Variants in GRM7 observed in about 807,000 individuals in gnomAD.
GRM7 encodes metabotropic glutamate receptor 7.
A neutral mutation model predicts 84.5 loss-of-function variants in GRM7; 35 were observed. The ratio of observed to expected loss-of-function variants is 0.41; its 90% CI spans 0.32 to 0.55. The LOEUF (loss-of-function observed/expected upper bound fraction) is 0.55, where lower values mean the gene tolerates loss of function less well. Ranked by LOEUF, GRM7 falls within the 20% of genes least tolerant of loss-of-function variation. GRM7 has a pLI of 0.19. For synonymous variants in GRM7, 487 were observed against 455.1 expected (o/e 1.07, Z -0.89); for missense variants, 1,003 against 1,194.6 (o/e 0.84, Z 2.36).
intron 7 of GRM7, among the ~76,000 whole-genome samples, chr3:7,576,748 T>C (rs1416144950): frequency 6.6e-6 from 1 of 152,264 alleles, no homozygotes; most frequent in East Asian, 1.9e-4. Context: ...TTAATTGGAA[T>C]TATTCTGTAT....
chr3:7,644,990 A>C (rs967815872), intron 8 of GRM7, among the ~76,000 whole-genome samples: 1 of 151,986 alleles, frequency 6.6e-6, no homozygotes, highest in Non-Finnish European at 1.5e-5. Context: ...GACCAGGAAC[A>C]TCTTTCTGCA....
At chr3:7,719,848 A>G in intron 9 of GRM7, among the ~76,000 whole-genome samples, 1 of 151,452 alleles carries the variant, frequency 6.6e-6, no homozygotes, top group Admixed American at 6.6e-5. Context: ...CTACAAAAGG[A>G]GTTCAGCCTA....
intron 8 of GRM7, among the ~76,000 whole-genome samples, chr3:7,601,993 A>G (rs1315668248): frequency 6.6e-6 from 1 of 150,638 alleles, no homozygotes; most frequent in African/African-American, 2.4e-5. Flanking sequence ...AAAAGAAGGA[A>G]GGGCGAAATG....
At chr3:7,301,774 T>G (rs1382800551) in intron 3 of GRM7, among the ~76,000 whole-genome samples, 1 of 130,838 alleles carries the variant, frequency 7.6e-6, no homozygotes, top group East Asian at 2.2e-4. Context: ...AAATTTATTC[T>G]AAAACATGAT....
At chr3:7,005,650 C>A (rs772830019) in intron 1 of GRM7, among the ~76,000 whole-genome samples, 86 of 152,200 alleles carry the variant, frequency 5.7e-4, no homozygotes, top group Non-Finnish European at 1.1e-3. Context: ...TGATAGTTAG[C>A]CATTGTTAGT....
intron 4 of GRM7, among the ~76,000 whole-genome samples, chr3:7,396,150 A>G (rs1695204157): frequency 6.6e-6 from 1 of 152,126 alleles, no homozygotes; most frequent in African/African-American, 2.4e-5. Flanking sequence ...CAAAATCATC[A>G]ATGAGACCCA....
chr3:7,670,089 A>G (rs1453235645), intron 8 of GRM7, among the ~76,000 whole-genome samples: 1 of 152,184 alleles, frequency 6.6e-6, no homozygotes, highest in Non-Finnish European at 1.5e-5. Flanking sequence ...CACACGGCAC[A>G]TTACCTAGAT....
chr3:7,227,956 A>G (rs1486837423), intron 2 of GRM7, among the ~76,000 whole-genome samples: 1 of 152,196 alleles, frequency 6.6e-6, no homozygotes, highest in Non-Finnish European at 1.5e-5. Context: ...CCATTGTCAT[A>G]TGTCTACTTT....
intron 1 of GRM7, among the ~76,000 whole-genome samples, chr3:6,873,678 C>G (rs1574952450): frequency 1.3e-5 from 2 of 152,216 alleles, no homozygotes; most frequent in Non-Finnish European, 2.9e-5. Flanking sequence ...ATGCCAGGTA[C>G]TGTCTTTCCT....
At position 7,415,047 on chromosome 3, in the gene GRM7, G is replaced by A. The variant is rs1318343794; in HGVS notation, c.1058G>A (p.Arg353His). The change falls in exon 5 of 10, where the codon CGT becomes CAT. Residue 353 changes from arginine to histidine, a missense_variant. By Grantham distance (29) the Arg-to-His change is conservative. Coordinates refer to ENST00000357716, the MANE Select transcript of GRM7 (RefSeq NM_000844.4). ...VEGFDAYFTS[R>H]TLENNRRNVW... is the part of the protein sequence containing the mutation. ...GGGTTTGATGCCTACTTTACGTCCC[G>A]TACACTTGAAAACAACAGAAGAAAT... 3.7e-6 allele frequency: 6 copies of A among 1,612,502 alleles called. No homozygotes were observed. The highest frequency in any genetic ancestry group is 1.7e-5 in the Admixed American group (1 of 59,948).
chr3:7,192,482 T>C (rs970861413), intron 2 of GRM7, among the ~76,000 whole-genome samples: 1 of 152,120 alleles, frequency 6.6e-6, no homozygotes, highest in Non-Finnish European at 1.5e-5. Flanking sequence ...CTTAGGAAAA[T>C]GCATTTTTAG....
At chr3:6,913,549 G>T in intron 1 of GRM7, among the ~76,000 whole-genome samples, 1 of 152,080 alleles carries the variant, frequency 6.6e-6, no homozygotes, top group East Asian at 1.9e-4. Flanking sequence ...TCTTTTTCTA[G>T]TTCTTGGTTA....
intron 8 of GRM7, among the ~76,000 whole-genome samples, chr3:7,587,093 T>C (rs968220947): frequency 6.6e-5 from 10 of 152,128 alleles, no homozygotes; most frequent in Non-Finnish European, 1.3e-4. Context: ...AAGTCAAAAT[T>C]GATCAATTTG....
intron 7 of GRM7, among the ~76,000 whole-genome samples, chr3:7,512,163 G>T (rs1409704389): frequency 4.6e-5 from 7 of 151,824 alleles, no homozygotes; most frequent in Non-Finnish European, 7.4e-5. Flanking sequence ...AAAAAGAAAA[G>T]AAAAGAAAAG....
intron 4 of GRM7, among the ~76,000 whole-genome samples, chr3:7,377,872 A>G (rs1053025351): frequency 6.6e-6 from 1 of 152,190 alleles, no homozygotes; most frequent in African/African-American, 2.4e-5. Flanking sequence ...CACTTAGTTA[A>G]CTAATCAGTG....
intron 1 of GRM7, among the ~76,000 whole-genome samples, chr3:7,125,923 G>C (rs1268857998): frequency 6.6e-6 from 1 of 152,180 alleles, no homozygotes; most frequent in Admixed American, 6.5e-5. Context: ...CTTTGCTTCT[G>C]TTGATAGAAA....
At chr3:7,063,572 A>G (rs1054343575) in intron 1 of GRM7, among the ~76,000 whole-genome samples, 4 of 151,764 alleles carry the variant, frequency 2.6e-5, no homozygotes, top group Non-Finnish European at 4.4e-5. Flanking sequence ...GAATTTGATG[A>G]AAATCTATAA....
intron 8 of GRM7, among the ~76,000 whole-genome samples, chr3:7,614,785 A>G (rs1465970588): frequency 1.3e-5 from 2 of 152,220 alleles, no homozygotes; most frequent in Non-Finnish European, 2.9e-5. Flanking sequence ...TAATGCTAGT[A>G]TTTTGAAAGA....
chr3:7,111,460 A>G (rs1463060276), intron 1 of GRM7, among the ~76,000 whole-genome samples: 1 of 152,142 alleles, frequency 6.6e-6, no homozygotes, highest in African/African-American at 2.4e-5. Context: ...AGTAAGTCTT[A>G]GTATTTGATT....
Sources: gnomAD v4.1 joint callset for allele counts (sites outside exome capture counted in the v4.1 genomes callset) on GRCh38, gnomAD v4.1.1 for gene constraint, MANE v1.5 for transcripts, NCBI Gene and HGNC (gene_info 2026-07-23, HGNC 2026-07-21) for gene names.